The following NRG1 variants were observed in gnomAD, a reference collection of about 807,000 sequenced individuals.
NRG1 encodes the protein pro-neuregulin-1, membrane-bound isoform.
A neutral mutation model predicts 63.8 loss-of-function variants in NRG1; 18 were observed. That is an observed-to-expected ratio of 0.28 (90% CI 0.19 to 0.42). The LOEUF (loss-of-function observed/expected upper bound fraction) is 0.42, where lower values mean the gene tolerates loss of function less well. NRG1 is among the 10% of genes least tolerant of loss of function. The probability of loss-of-function intolerance (pLI) is 1.00; values close to 1 mark genes in which losing one functional copy is unlikely to be tolerated. For synonymous variants in NRG1, 302 were observed against 301.3 expected (o/e 1.00, Z -0.02); for missense variants, 762 against 814.7 (o/e 0.94, Z 0.79).
At chr8:31,662,402 G>A (rs1806081816) in intron 1 of NRG1, among the ~76,000 whole-genome samples, 2 of 152,202 alleles carry the variant, frequency 1.3e-5, no homozygotes, top group African/African-American at 4.8e-5. Context: ...TGAAAAAGCT[G>A]TTATGGGCTT....
chr8:32,324,089 C>G (rs1801725649), intron 1 of NRG1, among the ~76,000 whole-genome samples: 1 of 129,532 alleles, frequency 7.7e-6, no homozygotes, highest in African/African-American at 3.5e-5. Flanking sequence ...TCATCAAAGC[C>G]CTCAAAAAAA....
At chr8:32,698,000 G>A (rs1015049868) in intron 5 of NRG1, among the ~76,000 whole-genome samples, 1 of 152,108 alleles carries the variant, frequency 6.6e-6, no homozygotes, top group African/African-American at 2.4e-5. Context: ...GAGGTCAAGA[G>A]ATCGTGACCA....
intron 1 of NRG1, among the ~76,000 whole-genome samples, chr8:31,725,718 A>C (rs1242472142): frequency 1.3e-5 from 2 of 152,098 alleles, no homozygotes; most frequent in Non-Finnish European, 2.9e-5. Flanking sequence ...TTCTTTTGCA[A>C]CTCTTGGCCA....
intron 1 of NRG1, among the ~76,000 whole-genome samples, chr8:32,011,591 A>G (rs1814769653): frequency 6.6e-6 from 1 of 152,108 alleles, no homozygotes; most frequent in South Asian, 2.1e-4. Context: ...TGTACCTTGC[A>G]ATCAAAATGG....
intron 1 of NRG1, among the ~76,000 whole-genome samples, chr8:32,025,421 T>C (rs1563692646): frequency 6.6e-6 from 1 of 152,208 alleles, no homozygotes; most frequent in East Asian, 1.9e-4. Flanking sequence ...TAGATGGATA[T>C]ATAGACATGC....
At chr8:32,322,780 C>A (rs949359172) in intron 1 of NRG1, among the ~76,000 whole-genome samples, 1 of 151,994 alleles carries the variant, frequency 6.6e-6, no homozygotes, top group African/African-American at 2.4e-5. Context: ...AAATCATCAA[C>A]TGAAGCCCCA....
chr8:32,694,250 T>A (rs1221082364), intron 5 of NRG1, among the ~76,000 whole-genome samples: 1 of 152,210 alleles, frequency 6.6e-6, no homozygotes, highest in Non-Finnish European at 1.5e-5. Flanking sequence ...TCAATTATTA[T>A]CATAATTTAA....
At chr8:31,810,985 T>C (rs963327145) in intron 1 of NRG1, among the ~76,000 whole-genome samples, 4 of 152,222 alleles carry the variant, frequency 2.6e-5, no homozygotes, top group Admixed American at 2.6e-4. Context: ...GTAGAGATCA[T>C]GAATATCTTA....
At chr8:31,751,719 T>C (rs1052065633) in intron 1 of NRG1, among the ~76,000 whole-genome samples, 2 of 151,816 alleles carry the variant, frequency 1.3e-5, no homozygotes, top group Non-Finnish European at 2.9e-5. Flanking sequence ...TGGATGTTTG[T>C]GGTAGAGATG....
At chr8:32,706,235 A>C (rs1182206464) in intron 5 of NRG1, among the ~76,000 whole-genome samples, 1 of 152,186 alleles carries the variant, frequency 6.6e-6, no homozygotes, top group Non-Finnish European at 1.5e-5. Context: ...TTTTGGATGA[A>C]GCTTTACGGA....
chr8:32,561,489 G>A (rs1836383441), intron 1 of NRG1, among the ~76,000 whole-genome samples: 1 of 152,194 alleles, frequency 6.6e-6, no homozygotes, highest in South Asian at 2.1e-4. Context: ...ATGTGAATTA[G>A]TATAGTATAG....
At chr8:32,706,552 GGTGTGTGT>G (rs10604171) in intron 5 of NRG1, among the ~76,000 whole-genome samples, 3 of 150,718 alleles carry the variant, frequency 2.0e-5, no homozygotes, top group Non-Finnish European at 4.4e-5. Context: ...GGTATATATA[GGTGTGTGT>G]GTGTGTGTGT....
At chr8:32,689,455 G>C (rs1405701491) in intron 5 of NRG1, among the ~76,000 whole-genome samples, 1 of 152,098 alleles carries the variant, frequency 6.6e-6, no homozygotes, top group African/African-American at 2.4e-5. Flanking sequence ...ATAAACGGCT[G>C]TTTGTTGTTG....
At chr8:32,724,772 A>C (rs1010934997) in intron 5 of NRG1, among the ~76,000 whole-genome samples, 2 of 152,172 alleles carry the variant, frequency 1.3e-5, no homozygotes, top group Non-Finnish European at 2.9e-5. Flanking sequence ...TGATCTCACT[A>C]CTGCTAAAGG....
At chr8:32,648,390 TAGAGAGAG>T (rs146965117) in intron 5 of NRG1, 1 of 1,581,336 alleles carries the variant, frequency 6.3e-7, no homozygotes, top group African/African-American at 1.4e-5. Context: ...ACTTTGTAAG[TAGAGAGAG>T]AGAGAGAGAC....
intron 5 of NRG1, among the ~76,000 whole-genome samples, chr8:32,720,675 A>G (rs1820394402): frequency 6.6e-6 from 1 of 152,166 alleles, no homozygotes; most frequent in African/African-American, 2.4e-5. Context: ...CACTATGGGA[A>G]GATACTTTTC....
chr8:32,353,696 GA>G (rs1456686222), intron 1 of NRG1, among the ~76,000 whole-genome samples: 1 of 152,198 alleles, frequency 6.6e-6, no homozygotes, highest in African/African-American at 2.4e-5. Context: ...TGGAGGAACT[GA>G]AGTTCTCATA....
At chr8:31,948,453 T>C (rs575394708) in intron 1 of NRG1, among the ~76,000 whole-genome samples, 160 of 152,312 alleles carry the variant, frequency 1.1e-3, no homozygotes, top group Admixed American at 3.3e-3. Flanking sequence ...TGCATTGATT[T>C]ACAGCACCTG....
chr8:32,521,392 G>T (rs546435772), intron 1 of NRG1, among the ~76,000 whole-genome samples: 3 of 152,102 alleles, frequency 2.0e-5, no homozygotes, highest in Non-Finnish European at 4.4e-5. Flanking sequence ...GAAAATTAAG[G>T]TAATCAAGGG....
Sources: allele counts gnomAD v4.1 joint callset (sites outside exome capture counted in the v4.1 genomes callset), GRCh38; gene constraint gnomAD v4.1.1; transcripts MANE v1.5; gene names NCBI Gene and HGNC (gene_info 2026-07-23, HGNC 2026-07-21).